HERC2: variants seen among roughly 807,000 people sequenced by gnomAD.
The protein encoded by HERC2 is HECT and RLD domain containing E3 ubiquitin protein ligase 2.
Under a neutral mutation model 537.7 loss-of-function variants are expected in HERC2, and 102 were observed. That is an observed-to-expected ratio of 0.19 (90% CI 0.16 to 0.22). The LOEUF (loss-of-function observed/expected upper bound fraction) is 0.22. Ranked by LOEUF, HERC2 falls within the 10% of genes least tolerant of loss-of-function variation. The probability of loss-of-function intolerance (pLI) is 1.00; values close to 1 mark genes in which losing one functional copy is unlikely to be tolerated. For synonymous variants in HERC2, 2,224 were observed against 2,466.2 expected (o/e 0.90, Z 2.91); for missense variants, 4,236 against 6,198.2 (o/e 0.68, Z 10.63).
intron 12 of HERC2, among the ~76,000 whole-genome samples, chr15:28,266,939 A>T (rs983054707): frequency 2.6e-5 from 4 of 152,172 alleles, no homozygotes; most frequent in African/African-American, 4.8e-5. Flanking sequence ...CGACATTTAT[A>T]TGTATTTGTT....
chr15:28,146,310 C>A lies in HERC2; in HGVS notation c.10935G>T (p.Gln3645His). 6.2e-7 allele frequency: 1 copy of A among 1,614,084 alleles called. No homozygotes were observed. The highest frequency in any genetic ancestry group is 2.2e-5 in the East Asian group (1 of 44,864). Residue 3645 changes from glutamine (Q) to histidine (H), a missense_variant, in exon 71 of 93, where the codon CAG (glutamine) becomes CAT (histidine). Physicochemically the swap from Gln to His is conservative, Grantham distance 24 (BLOSUM62 0). This residue lies in a region of HERC2 where 356 missense variants were observed against 450.9 expected (regional missense o/e 0.79). Coordinates refer to ENST00000261609, the MANE Select transcript of HERC2 (RefSeq NM_004667.6). ...GGTCGTGGCGCCTCTCTGTGGAGCA[C>A]TGCCGGTCAAATTCTACCCTGAGTC... ...AEGLRVEFDR[Q>H]CSTERRHDPL...
At chr15:28,120,721 G>T (rs80302374) in intron 86 of HERC2, among the ~76,000 whole-genome samples, 1 of 152,162 alleles carries the variant, frequency 6.6e-6, no homozygotes, top group African/African-American at 2.4e-5. Context: ...ACCTATAATC[G>T]GATGTATCAT....
At chr15:28,321,627 G>A (rs2525963) in intron 1 of HERC2, among the ~76,000 whole-genome samples, 163 bp from the exon 2 acceptor site, 2 of 125,420 alleles carry the variant, frequency 1.6e-5, no homozygotes, top group Middle Eastern at 4.1e-3. Flanking sequence ...AGAGATGGAG[G>A]GAGAGGGAGG....
intron 3 of HERC2, among the ~76,000 whole-genome samples, chr15:28,293,818 G>T (rs1461280449): frequency 1.3e-5 from 2 of 152,164 alleles, no homozygotes; most frequent in Non-Finnish European, 2.9e-5. Context: ...GGAAACAAAG[G>T]AAAAGCTGAG....
In HERC2 at chr15:28,130,528, T is replaced by C; in HGVS notation, c.12637A>G (p.Thr4213Ala). The C allele has an allele frequency of 6.2e-7, 1 of 1,613,956 alleles. No individual in the cohort carries two copies. Among genetic ancestry groups the C allele is most frequent in the South Asian group, 1.1e-5 (1 of 91,076 alleles). ...ECGSQFSVAL[T>A]KSGAVYTWGK... Reference sequence around the variant, plus strand: ...CAGGTATAAACAGCTCCAGATTTGGTAAGGGCAACAGAAAACTGGGATCCG... The same window carrying C: ...CAGGTATAAACAGCTCCAGATTTGGCAAGGGCAACAGAAAACTGGGATCCG... The change falls in exon 82 of 93, where the codon ACC becomes GCC. Residue 4213 changes from threonine (T) to alanine (A), a missense_variant. Thr to Ala is a moderately conservative substitution (Grantham distance 58). Around this residue, in one of 27 missense-constraint regions of HERC2, gnomAD observed 38 missense variants for 36.7 expected, o/e 1.04. Transcript: ENST00000261609.
At chr15:28,162,945 G>T (rs1596094198) in intron 69 of HERC2, 149 bp downstream of exon 69, 1 of 667,796 alleles carries the variant, frequency 1.5e-6, no homozygotes, top group Non-Finnish European at 2.6e-6. Context: ...AAAACGTTTT[G>T]CTCTAAAGGA....
rs375746833 is a variant in HERC2 at position 28,175,626 on chromosome 15, G to A, written c.9717C>T (p.His3239=). ...WGKGDYFRLG[H]GSDVHVRKPQ... ...GTTTCCGCACGTGCACGTCAGAGCC[G>A]TGGCCCAATCTGAAGTAATCCCCCT... The change falls in exon 64 of 93, where the codon CAC becomes CAT. Residue 3239 remains histidine (H), a synonymous_variant. Coordinates refer to ENST00000261609, the MANE Select transcript of HERC2 (RefSeq NM_004667.6). 9.3e-6 allele frequency: 15 copies of A among 1,613,960 alleles called. No homozygotes were observed. The highest frequency in any genetic ancestry group is 1.6e-4 in the Middle Eastern group (1 of 6,082).
chr15:28,257,620 C>T (rs1303483256), intron 16 of HERC2, among the ~76,000 whole-genome samples: 1 of 152,142 alleles, frequency 6.6e-6, no homozygotes. Context: ...GCATATGACA[C>T]ACACACAACC....
chr15:28,192,163 T>C lies in HERC2; in HGVS notation c.8261-12A>G, dbSNP rs761473928. The C allele has an allele frequency of 6.9e-6, 11 of 1,605,182 alleles. No individual in the cohort carries two copies. The highest frequency in any genetic ancestry group is 1.3e-5 in the African/African-American group (1 of 74,922). ...TACCGCAGACTGACCTATTTCGTGA[T>C]AGTCAAAAAGAGAATTAACCCTTGC... On this transcript the variant is annotated splice_polypyrimidine_tract_variant and intron_variant, in intron 52 of 92. Coordinates refer to ENST00000261609, the MANE Select transcript of HERC2 (RefSeq NM_004667.6).
At chr15:28,283,965 T>C (rs2076088521) in intron 4 of HERC2, among the ~76,000 whole-genome samples, 2 of 152,178 alleles carry the variant, frequency 1.3e-5, no homozygotes, top group Non-Finnish European at 2.9e-5. Context: ...TAATGAGATA[T>C]TTTGGGGATA....
chr15:28,232,961 T>C (rs1286537405), intron 30 of HERC2, among the ~76,000 whole-genome samples, 185 bp downstream of exon 30: 2 of 152,258 alleles, frequency 1.3e-5, no homozygotes, highest in East Asian at 3.8e-4. Context: ...TGTCTCATTG[T>C]CTGATTACTT....
rs2075639504 is a variant in HERC2 at position 28,268,777 on chromosome 15, C to G, written c.1447-161G>C. Among the ~76,000 whole-genome samples the G allele has an allele frequency of 6.6e-6, 1 of 152,214 alleles. No individual in the cohort carries two copies. The highest frequency in any genetic ancestry group is 1.9e-4 in the East Asian group (1 of 5,196). On this transcript the variant is annotated intron_variant, in intron 11 of 92. Coordinates refer to ENST00000261609, the MANE Select transcript of HERC2 (RefSeq NM_004667.6). The surrounding 1 kb of genome is among the most constrained non-coding windows in gnomAD (Gnocchi z 4.7). The stretch of plus-strand genomic sequence containing the variant: ...GGGCCGGCTCTCCAGCCCTTCCCAC[C>G]CAGCAGCAACAGAACAGCGGGCAGC...
In HERC2 at chr15:28,167,845, A is replaced by C. The variant is rs1407994076; in HGVS notation, c.10414-18T>G. ...GAAACAATCTAGTCCAAGAGTGCAC[A>C]GTAGGGGAAGTTTAAGTGGAAAAAC... On this transcript the variant is annotated intron_variant, in intron 67 of 92. Coordinates refer to ENST00000261609, the MANE Select transcript of HERC2 (RefSeq NM_004667.6). 8.2e-6 allele frequency: 13 copies of C among 1,582,982 alleles called. No homozygotes were observed. Among genetic ancestry groups the C allele is most frequent in the Non-Finnish European group, 1.1e-5 (13 of 1,167,940 alleles).
At chr15:28,193,524 T>G (rs545695364) in intron 52 of HERC2, among the ~76,000 whole-genome samples, 1 of 151,828 alleles carries the variant, frequency 6.6e-6, no homozygotes, top group African/African-American at 2.4e-5. Flanking sequence ...CCCAAAAAGA[T>G]AGAAAAGAGA....
rs1234401303 is a variant in HERC2, at chr15:28,179,235, T to C, written c.8938-12A>G. ...GAAGGAACCTTTATCTACAACAGAA[T>C]TTTTTTAACAAAAAAAAAAGAAAAG... On this transcript the variant is annotated splice_polypyrimidine_tract_variant and intron_variant, in intron 57 of 92. Coordinates refer to ENST00000261609, the MANE Select transcript of HERC2 (RefSeq NM_004667.6). 1.3e-6 allele frequency: 2 copies of C among 1,546,338 alleles called. No homozygotes were observed. The highest frequency in any genetic ancestry group is 1.7e-6 in the Non-Finnish European group (2 of 1,156,046).
At chr15:28,195,553 CT>C (rs1897277778) in intron 52 of HERC2, among the ~76,000 whole-genome samples, 1 of 152,152 alleles carries the variant, frequency 6.6e-6, no homozygotes, top group Non-Finnish European at 1.5e-5. Context: ...ACGGATGAAG[CT>C]TAAATACATT....
In HERC2 at chr15:28,257,087, C is replaced by T. The variant is rs780016247; in HGVS notation, c.2491G>A (p.Ala831Thr). Residue 831 changes from alanine (A) to threonine (T), a missense_variant, in exon 17 of 93, where the codon GCA becomes ACA. Transcript: ENST00000261609. ...TGAAGTCGTAGAAGATTCAGCGTTGCCACGGCCACACACTCTTTCTCCTGG... is the reference window on the plus strand; with the variant it reads ...TGAAGTCGTAGAAGATTCAGCGTTGTCACGGCCACACACTCTTTCTCCTGG... ...PPQEKECVAV[A>T]TLNLLRLQLH... 5.0e-6 allele frequency: 8 copies of T among 1,613,714 alleles called. No individual in the cohort carries two copies. The highest frequency in any genetic ancestry group is 6.8e-6 in the Non-Finnish European group (8 of 1,179,684).
chr15:28,117,680 TC>T, intron 86 of HERC2: 1 of 392,266 alleles, frequency 2.5e-6, no homozygotes, highest in Non-Finnish European at 5.1e-6. Context: ...GACCAGCCCT[TC>T]CCCACATCTG....
intron 86 of HERC2, among the ~76,000 whole-genome samples, chr15:28,120,993 TC>T (rs1277656458): frequency 1.3e-5 from 2 of 152,214 alleles, no homozygotes; most frequent in African/African-American, 4.8e-5. Context: ...AAGGCAGTGA[TC>T]CTGCTTTGGC....
Sources: allele counts gnomAD v4.1 joint callset (sites outside exome capture counted in the v4.1 genomes callset), GRCh38; gene constraint gnomAD v4.1.1; regional missense constraint gnomAD v4.1.1; non-coding constraint Gnocchi (gnomAD v3.1); transcripts MANE v1.5; gene names NCBI Gene and HGNC (gene_info 2026-07-23, HGNC 2026-07-21).